TENT2: variants seen among roughly 807,000 people sequenced by gnomAD.
The protein encoded by TENT2 is terminal nucleotidyltransferase 2.
In TENT2, 44 loss-of-function variants were observed where a neutral mutation model predicts 72.2. The ratio of observed to expected loss-of-function variants is 0.61; its 90% CI spans 0.48 to 0.78. The LOEUF (loss-of-function observed/expected upper bound fraction) is 0.78, where lower values mean the gene tolerates loss of function less well. Among genes scored for constraint, TENT2 ranks in the 30% least tolerant of loss-of-function variants. The pLI is 0.00. For synonymous variants in TENT2, 212 were observed against 192.5 expected, an observed-to-expected ratio of 1.10 and a Z score of -0.84; for missense variants, 541 against 569.6, an observed-to-expected ratio of 0.95 and a Z score of 0.51.
intron 14 of TENT2, among the ~76,000 whole-genome samples, chr5:79,683,905 C>CA (rs1824318101): frequency 9.3e-6 from 1 of 107,756 alleles, no homozygotes; most frequent in Non-Finnish European, 1.7e-5. Flanking sequence ...GCCTGGGCGA[C>CA]AGAGCGAGAC....
intron 4 of TENT2, among the ~76,000 whole-genome samples, chr5:79,639,201 A>G (rs1782526850): frequency 6.6e-6 from 1 of 152,088 alleles, no homozygotes; most frequent in Non-Finnish European, 1.5e-5. Context: ...GCTGAGGAAT[A>G]TCACATTTGG....
chr5:79,621,639 T>C (rs1288063791), intron 3 of TENT2, among the ~76,000 whole-genome samples: 2 of 151,234 alleles, frequency 1.3e-5, no homozygotes, highest in Non-Finnish European at 2.9e-5. Flanking sequence ...ATACCTGTAA[T>C]CCCAGCTACT....
Position 79,686,606 on chromosome 5 carries a change from T to C in TENT2, c.*1333T>C, listed in dbSNP as rs2151052566. ...ATTTTCTTCCTTAAGTTCAAATTTTTGTATGATGTCAAATGCAATAAAATT... is the reference window on the plus strand; with the variant it reads ...ATTTTCTTCCTTAAGTTCAAATTTTCGTATGATGTCAAATGCAATAAAATT... On this transcript the variant is annotated 3_prime_UTR_variant, in exon 15 of 15. Coordinates refer to ENST00000453514, the MANE Select transcript of TENT2 (RefSeq NM_001114394.3). 6.6e-6 allele frequency: 1 copy of C among 152,286 alleles called. No individual in the cohort carries two copies. The highest frequency in any genetic ancestry group is 3.4e-3 in the Middle Eastern group (1 of 294). 9.4% of individuals were successfully genotyped at this position (152,286 alleles called of 1,614,324 possible).
intron 11 of TENT2, among the ~76,000 whole-genome samples, chr5:79,659,735 A>G (rs57958113): frequency 0.2 from 30,693 of 151,138 alleles, 4,623 homozygotes; most frequent in African/African-American, 0.42. Flanking sequence ...GAAATGTTAC[A>G]TGATTGATAC....
chr5:79,651,473 C>A (rs1793985009), intron 10 of TENT2, among the ~76,000 whole-genome samples: 1 of 151,580 alleles, frequency 6.6e-6, no homozygotes. Flanking sequence ...CCAATTACTA[C>A]CATCACTTCA....
At chr5:79,669,947 G>C (rs1811603702) in intron 12 of TENT2, among the ~76,000 whole-genome samples, 1 of 152,052 alleles carries the variant, frequency 6.6e-6, no homozygotes, top group Non-Finnish European at 1.5e-5. Context: ...TAGTATTTCA[G>C]GCCGGGCGCG....
chr5:79,682,533 C>T (rs1486420101), intron 14 of TENT2, among the ~76,000 whole-genome samples: 2 of 151,832 alleles, frequency 1.3e-5, no homozygotes, highest in Admixed American at 6.6e-5. Flanking sequence ...GATTCACCCC[C>T]GTCTTCCTCC....
chr5:79,632,716 A>G (rs917379846), intron 4 of TENT2, among the ~76,000 whole-genome samples: 4 of 152,210 alleles, frequency 2.6e-5, no homozygotes, highest in African/African-American at 4.8e-5. Context: ...TCCTTGGAAG[A>G]ACAGTTTGGG....
intron 7 of TENT2, chr5:79,644,884 T>TATA (rs1197405648): frequency 5.4e-6 from 2 of 369,080 alleles, no homozygotes; most frequent in Non-Finnish European, 9.7e-6. Context: ...TGAACTTCTC[T>TATA]ATAGATACTA....
intron 10 of TENT2, among the ~76,000 whole-genome samples, chr5:79,649,767 G>A (rs1353365467): frequency 6.6e-6 from 1 of 152,014 alleles, no homozygotes; most frequent in Non-Finnish European, 1.5e-5. Flanking sequence ...TTGTAATTTG[G>A]ACCATTCATA....
intron 12 of TENT2, among the ~76,000 whole-genome samples, chr5:79,679,103 A>G (rs1819710737): frequency 6.6e-6 from 1 of 152,030 alleles, no homozygotes; most frequent in South Asian, 2.1e-4. Context: ...ATGGGGTTTC[A>G]CCATCTTGGC....
chr5:79,622,747 T>G lies in TENT2; in HGVS notation c.228-505T>G, dbSNP rs143856627. On this transcript the variant is annotated intron_variant, in intron 3 of 14. Transcript: ENST00000453514. Reference sequence around the variant, plus strand: ...TATTAATAAAATACTATTATCTGAGTTGCAGCTCATTTTTGAATTTCTTCG... The same window carrying G: ...TATTAATAAAATACTATTATCTGAGGTGCAGCTCATTTTTGAATTTCTTCG... Among the ~76,000 whole-genome samples the G allele has an allele frequency of 2.0e-5, 3 of 152,304 alleles. No homozygotes were observed. The East Asian group carries it at 5.8e-4, about 29-fold the overall frequency.
intron 1 of TENT2, among the ~76,000 whole-genome samples, chr5:79,616,355 C>T (rs1327127325): frequency 1.3e-5 from 2 of 151,926 alleles, no homozygotes; most frequent in South Asian, 2.1e-4. Flanking sequence ...TGTGCTACCA[C>T]GCCTGGCTGA....
chr5:79,672,363 T>G (rs1561579395), intron 12 of TENT2, among the ~76,000 whole-genome samples: 2 of 152,220 alleles, frequency 1.3e-5, no homozygotes, highest in Non-Finnish European at 2.9e-5. Flanking sequence ...AATTAAATTA[T>G]TATTGACTAT....
intron 14 of TENT2, among the ~76,000 whole-genome samples, chr5:79,682,446 A>AT (rs397961608): frequency 0.029 from 4,001 of 136,258 alleles, 90 homozygotes; most frequent in Admixed American, 0.047. Flanking sequence ...CACCCAGCTA[A>AT]TTTTTTTTTT....
Position 79,623,266 on chromosome 5 carries a change from A to G in TENT2, c.242A>G (p.Glu81Gly). The change falls in exon 4 of 15, where the codon GAA becomes GGA. Residue 81 changes from glutamate to glycine, a missense_variant. Transcript: ENST00000453514. Reference sequence around the variant, plus strand: ...CTTGTTTTCAGGAGATTAAGCGATGAAAAAAACCTTCCTCTTGACGGTAAA... The same window carrying G: ...CTTGTTTTCAGGAGATTAAGCGATGGAAAAAACCTTCCTCTTGACGGTAAA... ...LFRGRKRLSD[E>G]KNLPLDGKRQ... 1.9e-6 allele frequency: 3 copies of G among 1,611,808 alleles called. No homozygotes were observed. The highest frequency in any genetic ancestry group is 2.5e-6 in the Non-Finnish European group (3 of 1,178,924).
chr5:79,669,061 TATATG>T, intron 12 of TENT2, 33 bp downstream of exon 12: 1 of 1,603,392 alleles, frequency 6.2e-7, no homozygotes, highest in Non-Finnish European at 8.5e-7. Flanking sequence ...TTTGTTCACT[TATATG>T]TGTGTGTGTG....
At chr5:79,614,668 A>G (rs532460817) in intron 1 of TENT2, among the ~76,000 whole-genome samples, 19 of 152,350 alleles carry the variant, frequency 1.2e-4, no homozygotes, top group African/African-American at 4.3e-4. Context: ...AACGTTTTAT[A>G]TAGCTAATCT....
chr5:79,639,127 A>AG (rs1214327416), intron 4 of TENT2, among the ~76,000 whole-genome samples: 2 of 151,842 alleles, frequency 1.3e-5, no homozygotes, highest in Admixed American at 1.3e-4. Flanking sequence ...AGCTTTGAAC[A>AG]GGGGAAAAGG....
Sources: allele counts gnomAD v4.1 joint callset (sites outside exome capture counted in the v4.1 genomes callset), GRCh38; gene constraint gnomAD v4.1.1; transcripts MANE v1.5; gene names NCBI Gene and HGNC (gene_info 2026-07-23, HGNC 2026-07-21).